HDAC4: variants seen among roughly 807,000 people sequenced by gnomAD.
HDAC4 encodes histone deacetylase 4, also known as histone deacetylase A.
Under a neutral mutation model 135.1 loss-of-function variants are expected in HDAC4, and 16 were observed. The observed-to-expected ratio is 0.12, with a 90% CI of 0.08 to 0.18. HDAC4 has a LOEUF of 0.18. Among genes scored for constraint, HDAC4 ranks in the 10% least tolerant of loss-of-function variants. HDAC4 has a pLI of 1.00. For missense variants in HDAC4, 1,143 were observed against 1,511.8 expected (o/e 0.76, Z 4.05); for synonymous variants, 685 against 653.4 (o/e 1.05, Z -0.74).
At position 239,052,316 on chromosome 2, in the gene HDAC4, A is replaced by C. The variant is rs1038532960; in HGVS notation, c.*781T>G. ...CCAGCACTGCCAGGCTCGGCTGGCCACAGGAAACTGTCCCACCGATTCCTG... is the reference window on the plus strand; with the variant it reads ...CCAGCACTGCCAGGCTCGGCTGGCCCCAGGAAACTGTCCCACCGATTCCTG... On this transcript the variant is annotated 3_prime_UTR_variant, in exon 27 of 27. Coordinates refer to ENST00000543185, the MANE Select transcript of HDAC4 (RefSeq NM_001378414.1). 6.6e-6 allele frequency: 1 copy of C among 152,272 alleles called. No homozygotes were observed. Among genetic ancestry groups the C allele is most frequent in the Non-Finnish European group, 1.5e-5 (1 of 68,024 alleles). 9.4% of individuals were successfully genotyped at this position (152,272 alleles called of 1,614,324 possible). A position where few individuals can be genotyped will look rare whatever the true frequency, so the allele number is the denominator to read the frequency against.
intron 4 of HDAC4, among the ~76,000 whole-genome samples, chr2:239,188,199 G>A (rs1468389967): frequency 6.6e-6 from 1 of 152,202 alleles, no homozygotes; most frequent in African/African-American, 2.4e-5. Context: ...AGGGGACATG[G>A]AGCTGTCCCT....
intron 1 of HDAC4, among the ~76,000 whole-genome samples, chr2:239,380,277 C>T (rs553663260): frequency 4.6e-5 from 7 of 152,186 alleles, no homozygotes; most frequent in Non-Finnish European, 7.3e-5. Context: ...TGCACACACA[C>T]GTCCGTGCAC....
intron 24 of HDAC4, among the ~76,000 whole-genome samples, chr2:239,063,127 G>C (rs2033001957): frequency 6.6e-6 from 1 of 152,076 alleles, no homozygotes; most frequent in Admixed American, 6.5e-5. Flanking sequence ...CGCACCCAGG[G>C]GTCTTGCTCT....
chr2:239,163,767 A>G, intron 6 of HDAC4, 36 bp downstream of exon 6: 1 of 1,607,628 alleles, frequency 6.2e-7, no homozygotes, highest in Admixed American at 1.7e-5. Flanking sequence ...GGGCCCCCAG[A>G]GAGGAGGCCG....
chr2:239,276,401 G>T (rs1470980605), intron 2 of HDAC4, among the ~76,000 whole-genome samples: 1 of 152,234 alleles, frequency 6.6e-6, no homozygotes, highest in Non-Finnish European at 1.5e-5. Flanking sequence ...CAGGACGGGG[G>T]CAGGAGTGGG....
chr2:239,286,003 A>G (rs2051116266), intron 2 of HDAC4, among the ~76,000 whole-genome samples: 1 of 152,188 alleles, frequency 6.6e-6, no homozygotes, highest in Non-Finnish European at 1.5e-5. Flanking sequence ...GAAAGAAGTG[A>G]AAAAAGGCAG....
At chr2:239,280,768 T>C (rs1158447375) in intron 2 of HDAC4, among the ~76,000 whole-genome samples, 3 of 152,154 alleles carry the variant, frequency 2.0e-5, no homozygotes, top group East Asian at 3.9e-4. Flanking sequence ...CACTCCACAA[T>C]GTACACACCA....
intron 2 of HDAC4, chr2:239,298,639 T>C (rs2125591711): frequency 4.0e-6 from 4 of 988,616 alleles, no homozygotes; most frequent in Non-Finnish European, 4.8e-6. Context: ...TGCCACTCTT[T>C]ACAGAGCCGT....
At chr2:239,081,019 C>T in intron 22 of HDAC4, 76 bp downstream of exon 22, 3 of 1,171,026 alleles carry the variant, frequency 2.6e-6, no homozygotes, top group South Asian at 2.6e-5. Flanking sequence ...CGCTCATCTC[C>T]AACAAGTGCT....
chr2:239,319,904 G>C (rs753752567), intron 2 of HDAC4, among the ~76,000 whole-genome samples: 2 of 151,958 alleles, frequency 1.3e-5, no homozygotes, highest in Non-Finnish European at 1.5e-5. Flanking sequence ...CTTTTTTTTG[G>C]AAACAGCAGA....
chr2:239,284,219 G>A (rs2051000348), intron 2 of HDAC4, among the ~76,000 whole-genome samples: 1 of 152,242 alleles, frequency 6.6e-6, no homozygotes, highest in South Asian at 2.1e-4. Flanking sequence ...CCTGAGCCCA[G>A]CTACAGGGAG....
At chr2:239,229,269 T>C (rs546871003) in intron 3 of HDAC4, among the ~76,000 whole-genome samples, 3 of 152,334 alleles carry the variant, frequency 2.0e-5, no homozygotes, top group South Asian at 2.1e-4. Flanking sequence ...GACACACACA[T>C]GGCCTCCAGG....
In HDAC4 at chr2:239,308,336, C is replaced by T. The variant is rs113071593; in HGVS notation, c.22+44342G>A. Among the ~76,000 whole-genome samples the T allele has an allele frequency of 6.6e-6, 1 of 152,166 alleles. No homozygotes were observed. Among genetic ancestry groups the T allele is most frequent in the Admixed American group, 6.5e-5 (1 of 15,280 alleles). On this transcript the variant is annotated intron_variant, in intron 2 of 26. Coordinates refer to ENST00000543185, the MANE Select transcript of HDAC4 (RefSeq NM_001378414.1). The surrounding 1 kb of genome is among the most constrained non-coding windows in gnomAD (Gnocchi z 4.2). Reference sequence around the variant, plus strand: ...CTGGTGACACGGGACAAGAGGATAACCTGCTTGGTACTCAGCAACAGGCTT... The same window carrying T: ...CTGGTGACACGGGACAAGAGGATAATCTGCTTGGTACTCAGCAACAGGCTT...
At chr2:239,179,763 G>A (rs2044021806) in intron 4 of HDAC4, among the ~76,000 whole-genome samples, 1 of 152,248 alleles carries the variant, frequency 6.6e-6, no homozygotes, top group Admixed American at 6.5e-5. Context: ...AGGGCCAGCA[G>A]GGATGGGGGG....
chr2:239,254,374 T>G (rs1360893100), intron 2 of HDAC4, among the ~76,000 whole-genome samples: 2 of 146,544 alleles, frequency 1.4e-5, no homozygotes, highest in Non-Finnish European at 3.0e-5. Flanking sequence ...CTCCAAAATG[T>G]CCACAAATAT....
intron 15 of HDAC4, among the ~76,000 whole-genome samples, chr2:239,103,559 A>G (rs1303406717): frequency 6.6e-6 from 1 of 152,226 alleles, no homozygotes; most frequent in Non-Finnish European, 1.5e-5. Context: ...AACATTTCAC[A>G]TGGAAATGGC....
chr2:239,338,629 C>T (rs932226089), intron 2 of HDAC4, among the ~76,000 whole-genome samples: 1 of 152,096 alleles, frequency 6.6e-6, no homozygotes, highest in Non-Finnish European at 1.5e-5. Flanking sequence ...AAATAAATTC[C>T]TTTTATTTTT....
intron 16 of HDAC4, among the ~76,000 whole-genome samples, chr2:239,100,652 G>C (rs949738986): frequency 2.0e-5 from 3 of 152,166 alleles, no homozygotes; most frequent in African/African-American, 7.2e-5. Context: ...GGGCCCACAG[G>C]GGGTGATTAG....
At chr2:239,252,820 G>A (rs1465597033) in intron 2 of HDAC4, among the ~76,000 whole-genome samples, 18 of 152,184 alleles carry the variant, frequency 1.2e-4, no homozygotes, top group Admixed American at 1.2e-3. Context: ...GTTTAATAAA[G>A]TTATTTTTGA....
Sources: gnomAD v4.1 joint callset for allele counts (sites outside exome capture counted in the v4.1 genomes callset) on GRCh38, gnomAD v4.1.1 for gene constraint, Gnocchi (gnomAD v3.1) non-coding constraint, MANE v1.5 for transcripts, NCBI Gene and HGNC (gene_info 2026-07-23, HGNC 2026-07-21) for gene names.